The following MACROD2 variants were observed in gnomAD, a reference collection of about 807,000 sequenced individuals.
MACROD2 encodes mono-ADP ribosylhydrolase 2.
A neutral mutation model predicts 70.4 loss-of-function variants in MACROD2; 36 were observed. The ratio of observed to expected loss-of-function variants is 0.51; its 90% CI spans 0.39 to 0.68. MACROD2 has a LOEUF of 0.68. Ranked by LOEUF, MACROD2 falls within the 30% of genes least tolerant of loss-of-function variation. MACROD2 has a pLI of 0.00. For missense variants in MACROD2, 496 were observed against 538.4 expected (o/e 0.92, Z 0.78); for synonymous variants, 172 against 178.8 (o/e 0.96, Z 0.30).
intron 10 of MACROD2, among the ~76,000 whole-genome samples, chr20:15,927,002 A>T (rs189644624): frequency 1.3e-3 from 199 of 152,282 alleles, no homozygotes; most frequent in Middle Eastern, 3.4e-3. Flanking sequence ...GATAGAGGGG[A>T]TGGAGGATGG....
chr20:15,984,640 C>T (rs562495071), intron 13 of MACROD2, among the ~76,000 whole-genome samples: 13 of 149,138 alleles, frequency 8.7e-5, no homozygotes, highest in East Asian at 5.9e-4. Flanking sequence ...CTCCCCCCCC[C>T]GCCCTTCTCT....
intron 2 of MACROD2, among the ~76,000 whole-genome samples, chr20:14,012,505 C>CT (rs1364680297): frequency 6.6e-6 from 1 of 152,096 alleles, no homozygotes. Context: ...ATTTTCTTTC[C>CT]TTTTTTTAAT....
At chr20:14,516,057 A>G (rs1190790404) in intron 4 of MACROD2, among the ~76,000 whole-genome samples, 1 of 148,422 alleles carries the variant, frequency 6.7e-6, no homozygotes, top group Non-Finnish European at 1.5e-5. Flanking sequence ...ATATCTATAA[A>G]ATCATTATCT....
chr20:14,981,638 G>A (rs1199996365), intron 5 of MACROD2, among the ~76,000 whole-genome samples: 1 of 151,826 alleles, frequency 6.6e-6, no homozygotes, highest in Non-Finnish European at 1.5e-5. Context: ...GAGATCTGGT[G>A]GCTTTAAAAA....
intron 8 of MACROD2, among the ~76,000 whole-genome samples, chr20:15,772,782 C>A (rs2051657745): frequency 6.6e-6 from 1 of 152,060 alleles, no homozygotes; most frequent in South Asian, 2.1e-4. Context: ...TCAGAAATCG[C>A]CACTCAAGAA....
intron 8 of MACROD2, among the ~76,000 whole-genome samples, chr20:15,834,183 T>C (rs553963804): frequency 1.2e-4 from 19 of 152,182 alleles, no homozygotes; most frequent in Non-Finnish European, 2.4e-4. Flanking sequence ...TTAAACACGC[T>C]GCAAAAATTA....
At chr20:16,024,497 TCA>T (rs145103665) in intron 15 of MACROD2, among the ~76,000 whole-genome samples, 362 of 150,698 alleles carry the variant, frequency 2.4e-3, no homozygotes, top group Non-Finnish European at 4.0e-3. Flanking sequence ...GCAGCCATGT[TCA>T]CACACACACA....
At position 14,025,004 on chromosome 20, in the gene MACROD2, C is replaced by CT. The variant is rs200384412; in HGVS notation, c.163+22607dup. Among the ~76,000 whole-genome samples, 32 of 152,092 alleles carry CT rather than the reference C, an allele frequency of 2.1e-4. No individual in the cohort carries two copies. The East Asian group carries it at 5.8e-3, about 28-fold the overall frequency. On this transcript the variant is annotated intron_variant, in intron 2 of 17. Coordinates refer to ENST00000684519, the MANE Select transcript of MACROD2 (RefSeq NM_001351661.2). ...CAATTGTTAATTGTCTGGTCCTGGG[C>CT]TTTTTTTGGTTAGTAGGCTATTAAT...
intron 15 of MACROD2, among the ~76,000 whole-genome samples, chr20:15,997,477 G>T (rs749592747): frequency 6.6e-6 from 1 of 152,012 alleles, no homozygotes; most frequent in South Asian, 2.1e-4. Context: ...TAAATGGATA[G>T]TTTTCTTTAT....
chr20:14,231,469 T>C (rs1413601593), intron 3 of MACROD2, among the ~76,000 whole-genome samples: 4 of 152,212 alleles, frequency 2.6e-5, no homozygotes, highest in South Asian at 2.1e-4. Context: ...GGACATGAAC[T>C]CATCCTTTTT....
At chr20:15,181,647 G>A (rs979558675) in intron 5 of MACROD2, among the ~76,000 whole-genome samples, 34 of 152,048 alleles carry the variant, frequency 2.2e-4, no homozygotes, top group African/African-American at 8.0e-4. Flanking sequence ...GTTGTATTTG[G>A]ATAGCATGCT....
At chr20:14,781,495 C>A (rs2072300376) in intron 5 of MACROD2, among the ~76,000 whole-genome samples, 1 of 143,664 alleles carries the variant, frequency 7.0e-6, no homozygotes, top group African/African-American at 2.7e-5. Context: ...TGCTATGGAC[C>A]ATATAACACA....
chr20:14,888,614 A>G (rs1421206662), intron 5 of MACROD2: 1 of 152,150 alleles, frequency 6.6e-6, no homozygotes, highest in Non-Finnish European at 1.5e-5. Context: ...TTAAGCACAC[A>G]TCCTGATTTG....
At chr20:14,308,358 C>G (rs1022115105) in intron 3 of MACROD2, among the ~76,000 whole-genome samples, 1 of 152,058 alleles carries the variant, frequency 6.6e-6, no homozygotes, top group East Asian at 1.9e-4. Context: ...ATGAATCTTA[C>G]GTAGCTGAAG....
At chr20:14,594,958 T>C (rs6033983) in intron 4 of MACROD2, among the ~76,000 whole-genome samples, 3,054 of 152,248 alleles carry the variant, frequency 0.02, 116 homozygotes, top group African/African-American at 0.07. Flanking sequence ...ACTGCCATTA[T>C]TTCACCATAC....
At position 15,696,602 on chromosome 20, in the gene MACROD2, T is replaced by C. The variant is rs60238128; in HGVS notation, c.646-166143T>C. Among the ~76,000 whole-genome samples the C allele has an allele frequency of 3.3e-3, 497 of 152,112 alleles. 1 individual carries two copies. The highest frequency in any genetic ancestry group is 0.011 in the African/African-American group (468 of 41,512). On this transcript the variant is annotated intron_variant, in intron 8 of 17. Coordinates refer to ENST00000684519, the MANE Select transcript of MACROD2 (RefSeq NM_001351661.2). Reference sequence around the variant, plus strand: ...TTCCTTCTTTCTCTATCTTGTGGAATTGTGTCAAAAGGATTGGTACCAATT... The same window carrying C: ...TTCCTTCTTTCTCTATCTTGTGGAACTGTGTCAAAAGGATTGGTACCAATT...
chr20:15,774,540 T>C (rs892519297), intron 8 of MACROD2, among the ~76,000 whole-genome samples: 61 of 152,104 alleles, frequency 4.0e-4, no homozygotes, highest in Admixed American at 3.3e-3. Context: ...AAAGGTCTGC[T>C]TCCTCCCTTC....
At chr20:14,136,816 C>T (rs183088992) in intron 3 of MACROD2, among the ~76,000 whole-genome samples, 10 of 152,302 alleles carry the variant, frequency 6.6e-5, no homozygotes, top group Admixed American at 5.9e-4. Flanking sequence ...ACTATTTCTT[C>T]CAGAAATGCT....
chr20:14,454,307 A>T (rs1016378286), intron 3 of MACROD2, among the ~76,000 whole-genome samples: 1 of 151,814 alleles, frequency 6.6e-6, no homozygotes, highest in Non-Finnish European at 1.5e-5. Context: ...CATAGTAAAT[A>T]TATTACTCCT....
Sources: gnomAD v4.1 joint callset for allele counts (sites outside exome capture counted in the v4.1 genomes callset) on GRCh38, gnomAD v4.1.1 for gene constraint, MANE v1.5 for transcripts, NCBI Gene and HGNC (gene_info 2026-07-23, HGNC 2026-07-21) for gene names.